DENND2C: variants seen among roughly 807,000 people sequenced by gnomAD.
DENND2C encodes the protein DENN domain containing 2C.
Under a neutral mutation model 112.4 loss-of-function variants are expected in DENND2C, and 72 were observed. That is an observed-to-expected ratio of 0.64 (90% CI 0.53 to 0.78). DENND2C has a LOEUF of 0.78. DENND2C is among the 30% of genes least tolerant of loss of function. DENND2C has a pLI of 0.00. For missense variants in DENND2C, 992 were observed against 1,113.8 expected (o/e 0.89, Z 1.56); for synonymous variants, 329 against 381.6 (o/e 0.86, Z 1.61).
intron 4 of DENND2C, 43 bp downstream of exon 4, chr1:114,625,136 A>G (rs1557949351): frequency 2.0e-6 from 3 of 1,522,004 alleles, no homozygotes; most frequent in African/African-American, 2.8e-5. Context: ...TAATCCTGTA[A>G]GGAAAATACC....
intron 1 of DENND2C, among the ~76,000 whole-genome samples, chr1:114,656,917 A>C (rs576276547): frequency 3.6e-4 from 55 of 151,650 alleles, no homozygotes; most frequent in African/African-American, 1.3e-3. Context: ...ACACCTGGCT[A>C]ACTTTTGTAT....
At chr1:114,616,969 A>G (rs1294746142) in intron 8 of DENND2C, among the ~76,000 whole-genome samples, 1 of 152,218 alleles carries the variant, frequency 6.6e-6, no homozygotes, top group Non-Finnish European at 1.5e-5. Context: ...CACTTCTTAC[A>G]TGGTGGCAGC....
At chr1:114,626,510 CTTTTTT>C (rs11412901) in intron 3 of DENND2C, among the ~76,000 whole-genome samples, 1 of 122,870 alleles carries the variant, frequency 8.1e-6, no homozygotes. Flanking sequence ...TAAATTAATT[CTTTTTT>C]TTTTTTTTTT....
At chr1:114,601,111 T>G in intron 13 of DENND2C, 151 bp from the exon 14 acceptor site, 1 of 826,134 alleles carries the variant, frequency 1.2e-6, no homozygotes, top group Non-Finnish European at 1.8e-6. Context: ...AAAAGTTAAA[T>G]AAGCATCATA....
Position 114,618,434 on chromosome 1 carries a change from T to C in DENND2C, c.1276A>G (p.Lys426Glu), listed in dbSNP as rs1222035402. Reference protein sequence around the residue: ...DIFESKRGKKKVKLHSYTGKE... With the variant: ...DIFESKRGKKEVKLHSYTGKE... ...CCAGTGTAAGAATGTAACTTTACCT[T>C]CTTCTTCCCTCTTTTAGATTCAAAT... The change falls in exon 8 of 21, where the codon AAG (lysine) becomes GAG (glutamate). Residue 426 changes from lysine (K) to glutamate (E), a missense_variant. By Grantham distance (56) the Lys-to-Glu change is moderately conservative (BLOSUM62 1). Around this residue, in one of 3 missense-constraint regions of DENND2C, gnomAD observed 516 missense variants for 623.6 expected, o/e 0.83. Coordinates refer to ENST00000393274, the MANE Select transcript of DENND2C (RefSeq NM_001256404.2). 1 of 1,594,602 alleles carries C rather than the reference T, an allele frequency of 6.3e-7. No homozygotes were observed. The highest frequency in any genetic ancestry group is 8.5e-7 in the Non-Finnish European group (1 of 1,173,044).
chr1:114,663,646 T>C (rs1244859763), intron 1 of DENND2C, among the ~76,000 whole-genome samples: 1 of 152,248 alleles, frequency 6.6e-6, no homozygotes, highest in Non-Finnish European at 1.5e-5. Context: ...TGCCTGTTTT[T>C]GCAAGGCCTC....
rs115821901 is a variant in DENND2C, at chr1:114,635,735, G to A, written c.-204-9547C>T. Among the ~76,000 whole-genome samples, 498 of 152,202 alleles carry A rather than the reference G, an allele frequency of 3.3e-3. 3 individuals are homozygous for A. Among genetic ancestry groups the A allele is most frequent in the African/African-American group, 0.011 (470 of 41,530 alleles). On this transcript the variant is annotated intron_variant, in intron 3 of 20. Coordinates refer to ENST00000393274, the MANE Select transcript of DENND2C (RefSeq NM_001256404.2). Reference sequence around the variant, plus strand: ...AAATATTAGTAAGTCCACTGGGCGCGATCACTCACACCTGTAATCCCAACA... The same window carrying A: ...AAATATTAGTAAGTCCACTGGGCGCAATCACTCACACCTGTAATCCCAACA...
At chr1:114,627,911 C>CT (rs2101669582) in intron 3 of DENND2C, among the ~76,000 whole-genome samples, 1 of 151,818 alleles carries the variant, frequency 6.6e-6, no homozygotes, top group South Asian at 2.1e-4. Context: ...TTAACCCTTT[C>CT]TTTATTTTTC....
intron 18 of DENND2C, 129 bp downstream of exon 18, chr1:114,594,344 T>C: frequency 1.4e-6 from 1 of 719,352 alleles, no homozygotes; most frequent in Non-Finnish European, 2.3e-6. Context: ...AGGAAGCTGA[T>C]TATAGGATTT....
intron 12 of DENND2C, 131 bp from the exon 13 acceptor site, chr1:114,601,716 A>T (rs1234228786): frequency 1.3e-6 from 1 of 744,358 alleles, no homozygotes; most frequent in East Asian, 2.7e-5. Context: ...TCTTTAGTGA[A>T]CACTGAAAGA....
chr1:114,661,466 T>C (rs141389983), intron 1 of DENND2C, among the ~76,000 whole-genome samples: 28 of 152,338 alleles, frequency 1.8e-4, no homozygotes, highest in African/African-American at 6.3e-4. Flanking sequence ...CTTGAATAAA[T>C]AGGAAACTGA....
At chr1:114,657,314 A>G (rs965336263) in intron 1 of DENND2C, among the ~76,000 whole-genome samples, 1 of 151,902 alleles carries the variant, frequency 6.6e-6, no homozygotes, top group Non-Finnish European at 1.5e-5. Flanking sequence ...TTACTGTACC[A>G]TCATATTTTA....
chr1:114,633,340 G>C (rs896547309), intron 3 of DENND2C, among the ~76,000 whole-genome samples: 21 of 148,114 alleles, frequency 1.4e-4, no homozygotes, highest in African/African-American at 4.7e-4. Flanking sequence ...AGCTACTCAA[G>C]AGGCTAAAGC....
Position 114,600,308 on chromosome 1 carries a change from A to G in DENND2C, c.2001T>C (p.Val667=). The change falls in exon 15 of 21, where the codon GTT becomes GTC. Residue 667 remains valine (V), a synonymous_variant. Coordinates refer to ENST00000393274, the MANE Select transcript of DENND2C (RefSeq NM_001256404.2). ...CRPLDSRLEH[V]DFKCLFKCLS... The stretch of plus-strand genomic sequence containing the variant: ...GGCACTTAAAGAGACATTTAAAATC[A>G]ACATGTTCCAATCGGGAATCTAGTG... 1.2e-6 allele frequency: 2 copies of G among 1,614,164 alleles called. No homozygotes were observed. The highest frequency in any genetic ancestry group is 8.5e-7 in the Non-Finnish European group (1 of 1,180,008).
At chr1:114,636,879 A>G (rs1415889637) in intron 3 of DENND2C, among the ~76,000 whole-genome samples, 3 of 152,046 alleles carry the variant, frequency 2.0e-5, no homozygotes, top group African/African-American at 7.2e-5. Flanking sequence ...AGAAGAATTA[A>G]CTGTGCCTCT....
In DENND2C at chr1:114,625,621, T is replaced by G. The variant is rs1274969483; in HGVS notation, c.364A>C (p.Lys122Gln). ...SESNWVCSRV[K>Q]EIESCKEDVL... ...TCTTCTTTACAGCTTTCAATTTCTTTGACCCGAGAACATACCCAGTTGGAT... is the reference window on the plus strand; with the variant it reads ...TCTTCTTTACAGCTTTCAATTTCTTGGACCCGAGAACATACCCAGTTGGAT... The change falls in exon 4 of 21, where the codon AAA becomes CAA. Residue 122 changes from lysine (K) to glutamine (Q), a missense_variant. Transcript: ENST00000393274. 2 of 1,614,168 alleles carry G rather than the reference T, an allele frequency of 1.2e-6. No homozygotes were observed. Among genetic ancestry groups the G allele is most frequent in the South Asian group, 2.2e-5 (2 of 91,076 alleles).
intron 1 of DENND2C, among the ~76,000 whole-genome samples, chr1:114,668,756 G>T (rs115394009): frequency 0.011 from 1,718 of 152,198 alleles, 27 homozygotes; most frequent in African/African-American, 0.039. Flanking sequence ...AATAAAGGCT[G>T]TATGAAAAAA....
At chr1:114,648,987 T>A (rs1261370411) in intron 2 of DENND2C, among the ~76,000 whole-genome samples, 2 of 151,890 alleles carry the variant, frequency 1.3e-5, no homozygotes, top group Non-Finnish European at 2.9e-5. Context: ...AGAGTCTCAC[T>A]CTTGTCGCCC....
chr1:114,636,070 T>A (rs1656649182), intron 3 of DENND2C, among the ~76,000 whole-genome samples: 1 of 150,578 alleles, frequency 6.6e-6, no homozygotes, highest in Non-Finnish European at 1.5e-5. Flanking sequence ...ATCAAACTCA[T>A]AAATAAATAT....
Sources: gnomAD v4.1 joint callset for allele counts (sites outside exome capture counted in the v4.1 genomes callset) on GRCh38, gnomAD v4.1.1 for gene constraint, gnomAD v4.1.1 regional missense constraint, MANE v1.5 for transcripts, NCBI Gene and HGNC (gene_info 2026-07-23, HGNC 2026-07-21) for gene names.